The following PHIP variants were observed in gnomAD, a reference collection of about 807,000 sequenced individuals.
PHIP encodes the protein PH-interacting protein.
PHIP carries 54 observed loss-of-function variants against 236.8 expected under a neutral mutation model. The ratio of observed to expected loss-of-function variants is 0.23; its 90% CI spans 0.18 to 0.29. The LOEUF is 0.29. Ranked by LOEUF, PHIP falls within the 10% of genes least tolerant of loss-of-function variation. The pLI is 1.00. For synonymous variants in PHIP, 756 were observed against 718.9 expected (o/e 1.05, Z -0.83); for missense variants, 1,370 against 2,190.8 (o/e 0.63, Z 7.48).
chr6:78,954,146 G>A (rs978162007), intron 35 of PHIP, among the ~76,000 whole-genome samples: 6 of 152,144 alleles, frequency 3.9e-5, no homozygotes, highest in African/African-American at 1.4e-4. Context: ...CTGTCGCCCA[G>A]GCTGGAGTAC....
chr6:78,981,285 G>A (rs1350946359), intron 23 of PHIP, among the ~76,000 whole-genome samples: 2 of 151,868 alleles, frequency 1.3e-5, no homozygotes, highest in Non-Finnish European at 2.9e-5. Flanking sequence ...CCCAACATAA[G>A]ATGACCCTGT....
At chr6:78,943,990 T>TAAAAAA (rs558983037) in intron 39 of PHIP, among the ~76,000 whole-genome samples, 17 of 78,150 alleles carry the variant, frequency 2.2e-4, no homozygotes, top group African/African-American at 4.7e-4. Context: ...TGTCTTTTTT[T>TAAAAAA]AAAAAAAAAA....
intron 15 of PHIP, among the ~76,000 whole-genome samples, chr6:79,014,641 G>A (rs1222508379): frequency 6.6e-6 from 1 of 151,774 alleles, no homozygotes; most frequent in East Asian, 1.9e-4. Flanking sequence ...ACTACCAATT[G>A]ATTAAAAGCA....
chr6:79,055,381 C>A (rs1773017602), intron 6 of PHIP, among the ~76,000 whole-genome samples: 1 of 152,106 alleles, frequency 6.6e-6, no homozygotes, highest in African/African-American at 2.4e-5. Context: ...TACTCATGCA[C>A]ATTTATTACT....
Position 79,077,523 on chromosome 6 carries a change from A to G in PHIP, c.130-16T>C. On this transcript the variant is annotated splice_polypyrimidine_tract_variant and intron_variant, in intron 3 of 39. Coordinates refer to ENST00000275034, the MANE Select transcript of PHIP (RefSeq NM_017934.7). ...GGGGCAGCAGCTGCGGGGAGAGGAC[A>G]CCCCGTGAGCCCGGCCCCCGGCCCC... The G allele has an allele frequency of 6.7e-7, 1 of 1,500,230 alleles. No individual in the cohort carries two copies. Among genetic ancestry groups the G allele is most frequent in the Non-Finnish European group, 8.9e-7 (1 of 1,119,630 alleles). 92.9% of individuals were successfully genotyped at this position (1,500,230 alleles called of 1,614,324 possible).
intron 14 of PHIP, 49 bp from the exon 15 acceptor site, chr6:79,015,265 G>A (rs779090891): frequency 6.9e-7 from 1 of 1,447,782 alleles, no homozygotes; most frequent in South Asian, 1.2e-5. Flanking sequence ...AAAAAAGAAA[G>A]AAAAACAAAC....
chr6:79,031,407 C>T (rs1771665253), intron 7 of PHIP, among the ~76,000 whole-genome samples: 1 of 152,128 alleles, frequency 6.6e-6, no homozygotes, highest in Non-Finnish European at 1.5e-5. Context: ...ACCAAATTTA[C>T]AGGGTTTCTT....
At chr6:78,960,450 C>CTTTTT (rs1208567579) in intron 31 of PHIP, among the ~76,000 whole-genome samples, 1 of 137,490 alleles carries the variant, frequency 7.3e-6, no homozygotes, top group Non-Finnish European at 1.6e-5. Context: ...TTAGGAATTC[C>CTTTTT]TTTTTTTTTT....
intron 4 of PHIP, among the ~76,000 whole-genome samples, chr6:79,061,509 C>G (rs1204712303): frequency 6.6e-6 from 1 of 152,076 alleles, no homozygotes; most frequent in Non-Finnish European, 1.5e-5. Flanking sequence ...AAAATGTCTC[C>G]TCTATTAAGC....
At chr6:78,998,140 C>G (rs907576062) in intron 18 of PHIP, 114 bp downstream of exon 18, 20 of 723,708 alleles carry the variant, frequency 2.8e-5, no homozygotes, top group Middle Eastern at 6.7e-4. Flanking sequence ...TTTTGGCAAC[C>G]TAATATTTCA....
chr6:78,992,229 C>T (rs1769311615), intron 19 of PHIP, among the ~76,000 whole-genome samples: 1 of 152,090 alleles, frequency 6.6e-6, no homozygotes, highest in Non-Finnish European at 1.5e-5. Context: ...TCCCAAAGTG[C>T]TGGGATTACA....
intron 30 of PHIP, among the ~76,000 whole-genome samples, chr6:78,962,820 T>G (rs1231594369): frequency 6.6e-6 from 1 of 152,162 alleles, no homozygotes; most frequent in African/African-American, 2.4e-5. Flanking sequence ...TCAAGTGTTT[T>G]AAATTGGGTT....
intron 6 of PHIP, among the ~76,000 whole-genome samples, chr6:79,055,958 T>C (rs936862562): frequency 2.6e-5 from 4 of 152,172 alleles, no homozygotes; most frequent in African/African-American, 9.7e-5. Context: ...TCTACCAACC[T>C]TCATTCCATT....
rs1771391069 is a variant in PHIP, at chr6:79,026,178, T to C, written c.601-14A>G. 1 of 1,553,624 alleles carries C rather than the reference T, an allele frequency of 6.4e-7. No homozygotes were observed. The highest frequency in any genetic ancestry group is 8.9e-7 in the Non-Finnish European group (1 of 1,125,256). On this transcript the variant is annotated splice_polypyrimidine_tract_variant and intron_variant, in intron 7 of 39. Transcript: ENST00000275034. Reference sequence around the variant, plus strand: ...GTCATCAGAACCCTTAAAGTAAGAATGGATATTAATAGAATTAACCCCATA... The same window carrying C: ...GTCATCAGAACCCTTAAAGTAAGAACGGATATTAATAGAATTAACCCCATA...
At chr6:78,952,417 CAAAAAAAAAAGA>C (rs1025008097) in intron 35 of PHIP, among the ~76,000 whole-genome samples, 2 of 59,916 alleles carry the variant, frequency 3.3e-5, no homozygotes, top group African/African-American at 1.3e-4. Context: ...GACTCTGTCC[CAAAAAAAAAAGA>C]AAAAAAAAAA....
At chr6:79,040,837 T>C (rs1198546265) in intron 7 of PHIP, among the ~76,000 whole-genome samples, 3 of 152,062 alleles carry the variant, frequency 2.0e-5, no homozygotes, top group Non-Finnish European at 4.4e-5. Flanking sequence ...AAATTACAAA[T>C]GAGACTGAAT....
chr6:79,042,732 C>G (rs1772288316), intron 7 of PHIP, 111 bp downstream of exon 7: 1 of 687,610 alleles, frequency 1.5e-6, no homozygotes, highest in Admixed American at 3.7e-5. Context: ...ACCTGAATTT[C>G]CGGTTTCCTA....
chr6:79,029,897 A>G (rs1771587444), intron 7 of PHIP, among the ~76,000 whole-genome samples: 2 of 152,230 alleles, frequency 1.3e-5, no homozygotes, highest in South Asian at 4.1e-4. Flanking sequence ...GTCTAACATA[A>G]TTTGAACGGA....
chr6:79,042,129 A>G (rs1295827242), intron 7 of PHIP, among the ~76,000 whole-genome samples: 1 of 152,030 alleles, frequency 6.6e-6, no homozygotes, highest in Non-Finnish European at 1.5e-5. Context: ...AAATATCATC[A>G]TAATAGTGTA....
Sources: gnomAD v4.1 joint callset for allele counts (sites outside exome capture counted in the v4.1 genomes callset) on GRCh38, gnomAD v4.1.1 for gene constraint, MANE v1.5 for transcripts, NCBI Gene and HGNC (gene_info 2026-07-23, HGNC 2026-07-21) for gene names.